ALG13: variants seen among roughly 807,000 people sequenced by gnomAD.
The protein encoded by ALG13 is ALG13 UDP-N-acetylglucosaminyltransferase subunit.
ALG13 carries 11 observed loss-of-function variants against 87.8 expected under a neutral mutation model. That is an observed-to-expected ratio of 0.13 (90% CI 0.08 to 0.21). ALG13 has a LOEUF of 0.21. Ranked by LOEUF, ALG13 falls within the 10% of genes least tolerant of loss-of-function variation. The pLI, the probability that ALG13 is intolerant of heterozygous loss-of-function variation, is 1.00. For missense variants in ALG13, 756 were observed against 866.1 expected (o/e 0.87, Z 1.60); for synonymous variants, 320 against 306.3 (o/e 1.04, Z -0.47).
At chrX:111,705,927 A>G (rs1938668487) in intron 3 of ALG13, among the ~76,000 whole-genome samples, 1 of 111,308 alleles carries the variant, frequency 9.0e-6, no homozygotes, top group Admixed American at 9.5e-5. Flanking sequence ...CCCTTCCTCA[A>G]AATGAAGCAT....
At chrX:111,689,307 TG>T in intron 3 of ALG13, 1 of 753,321 alleles carries the variant, frequency 1.3e-6, no homozygotes, top group African/African-American at 2.3e-5. Context: ...TAGTGTTTTC[TG>T]GGCCCTCATA....
chrX:111,715,102 G>A (rs1434178986), intron 8 of ALG13, among the ~76,000 whole-genome samples: 2 of 111,842 alleles, frequency 1.8e-5, no homozygotes, highest in East Asian at 2.8e-4. Flanking sequence ...TAAATGTCTT[G>A]TGTATCTTAC....
At chrX:111,711,852 C>T in intron 6 of ALG13, 127 bp downstream of exon 6, 1 of 609,594 alleles carries the variant, frequency 1.6e-6, no homozygotes, top group Non-Finnish European at 2.5e-6. Context: ...TGTGTTGAAT[C>T]CAATAGTTCT....
At position 111,728,145 on chromosome X, in the gene ALG13, A is replaced by G. The variant is rs1220961732; in HGVS notation, c.2248-40A>G. The stretch of plus-strand genomic sequence containing the variant: ...CCCTCTAGCTTTTTTTTCTGACTAT[A>G]TAGTGAGAACTGCAGTGTGTGTGTG... On this transcript the variant is annotated intron_variant, in intron 18 of 26. Coordinates refer to ENST00000394780, the MANE Select transcript of ALG13 (RefSeq NM_001099922.3). 5 of 1,207,536 alleles carry G rather than the reference A, an allele frequency of 4.1e-6. No individual in the cohort carries two copies. The South Asian group carries it at 7.1e-5, about 17-fold the overall frequency.
In ALG13 at chrX:111,711,743, G is replaced by A; in HGVS notation, c.885+18G>A. On this transcript the variant is annotated intron_variant, in intron 6 of 26. Transcript: ENST00000394780. The stretch of plus-strand genomic sequence containing the variant: ...ATCCCAAGGTAAGATCAAATATGGG[G>A]GTTTAATCTTTTCAGAGTTATTTGG... The A allele has an allele frequency of 8.4e-7, 1 of 1,186,895 alleles. No homozygotes were observed. The highest frequency in any genetic ancestry group is 3.0e-5 in the East Asian group (1 of 33,463).
chrX:111,748,550 A>T (rs1056588965), intron 24 of ALG13, among the ~76,000 whole-genome samples: 1 of 111,787 alleles, frequency 8.9e-6, no homozygotes, highest in South Asian at 3.7e-4. Flanking sequence ...GGCCATTTGC[A>T]TATTTTTTGT....
intron 23 of ALG13, among the ~76,000 whole-genome samples, chrX:111,738,992 A>T (rs754231029): frequency 8.9e-6 from 1 of 112,314 alleles, no homozygotes; most frequent in African/African-American, 3.2e-5. Flanking sequence ...GAACAAAATA[A>T]TACTAAAAGC....
At chrX:111,745,085 A>G (rs968393653) in intron 24 of ALG13, among the ~76,000 whole-genome samples, 181 bp downstream of exon 24, 1 of 111,556 alleles carries the variant, frequency 9.0e-6, no homozygotes, top group Admixed American at 9.6e-5. Context: ...AATATCTTCT[A>G]CATAATCAAC....
chrX:111,719,246 T>C (rs1941086399), intron 10 of ALG13, among the ~76,000 whole-genome samples: 1 of 110,441 alleles, frequency 9.1e-6, no homozygotes, highest in Non-Finnish European at 1.9e-5. Flanking sequence ...AGGATGATCT[T>C]GGTCTCCTGA....
At chrX:111,689,969 G>A in intron 3 of ALG13, 3 of 753,654 alleles carry the variant, frequency 4.0e-6, no homozygotes, top group Non-Finnish European at 4.7e-6. Context: ...TGATTTCTGA[G>A]TTTTTGGAAT....
At chrX:111,740,528 T>C (rs1194501088) in intron 23 of ALG13, among the ~76,000 whole-genome samples, 2 of 111,047 alleles carry the variant, frequency 1.8e-5, no homozygotes, top group Non-Finnish European at 3.8e-5. Context: ...TAAAATACCA[T>C]TTATTACTTT....
intron 2 of ALG13, 70 bp downstream of exon 2, chrX:111,682,364 G>A (rs756472730): frequency 2.2e-6 from 2 of 889,612 alleles, no homozygotes; most frequent in African/African-American, 4.1e-5. Flanking sequence ...GGGGTATTCT[G>A]GGGGTACATG....
chrX:111,758,897 C>A (rs916637580), intron 26 of ALG13, among the ~76,000 whole-genome samples: 2 of 111,515 alleles, frequency 1.8e-5, no homozygotes, highest in African/African-American at 6.5e-5. Context: ...GTCAGGAGTT[C>A]GTACCTGACT....
rs757892689 is a variant in ALG13, at chrX:111,698,124, C to T, written c.384-9903C>T. 3.6e-5 allele frequency among the ~76,000 whole-genome samples: 4 copies of T among 111,972 alleles called. No homozygotes were observed. In the South Asian group the frequency reaches 1.1e-3, roughly 31 times the overall value. On this transcript the variant is annotated intron_variant, in intron 3 of 26. Transcript: ENST00000394780. ...TCTGTTCCTGCTTCTTATAGATGAC[C>T]GTATTACTTTATGTTTTATAAATAA...
At chrX:111,751,066 C>CTTTT (rs58149728) in intron 24 of ALG13, among the ~76,000 whole-genome samples, 4 of 74,499 alleles carry the variant, frequency 5.4e-5, no homozygotes, top group Non-Finnish European at 9.5e-5. Context: ...ATAAGCATAA[C>CTTTT]TTTTTTTTTT....
At chrX:111,700,899 TTTTG>T (rs1261552304) in intron 3 of ALG13, among the ~76,000 whole-genome samples, 3 of 109,333 alleles carry the variant, frequency 2.7e-5, no homozygotes, top group Non-Finnish European at 5.7e-5. Context: ...CCAAGAGTGT[TTTTG>T]TTTGTTTGTT....
intron 25 of ALG13, among the ~76,000 whole-genome samples, chrX:111,755,298 TAAATG>T (rs1353634863): frequency 2.7e-5 from 3 of 112,232 alleles, no homozygotes; most frequent in African/African-American, 9.7e-5. Context: ...ATTAAAGACT[TAAATG>T]TAAGACCTAA....
At chrX:111,719,813 GGAGA>G (rs1275366312) in intron 10 of ALG13, among the ~76,000 whole-genome samples, 3 of 111,831 alleles carry the variant, frequency 2.7e-5, no homozygotes, top group Non-Finnish European at 3.8e-5. Context: ...AGGCAGCAGA[GGAGA>G]GAGAGAGACC....
At chrX:111,743,733 CAG>C (rs780829462) in intron 23 of ALG13, 27 of 111,648 alleles carry the variant, frequency 2.4e-4, no homozygotes, top group African/African-American at 8.8e-4. Flanking sequence ...ATGCTAAACT[CAG>C]TGTGCTAAAA....
Sources: gnomAD v4.1 joint callset for allele counts (sites outside exome capture counted in the v4.1 genomes callset) on GRCh38, gnomAD v4.1.1 for gene constraint, MANE v1.5 for transcripts, NCBI Gene and HGNC (gene_info 2026-07-23, HGNC 2026-07-21) for gene names.